Variants in DPP10 observed in about 807,000 individuals in gnomAD.
The protein encoded by DPP10 is inactive dipeptidyl peptidase 10.
DPP10 carries 33 observed loss-of-function variants against 120.9 expected under a neutral mutation model. The observed-to-expected ratio is 0.27, with a 90% CI of 0.21 to 0.37. The LOEUF (loss-of-function observed/expected upper bound fraction) is 0.37, where lower values mean the gene tolerates loss of function less well. Ranked by LOEUF, DPP10 falls within the 10% of genes least tolerant of loss-of-function variation. DPP10 has a pLI of 1.00. For missense variants in DPP10, 816 were observed against 942.8 expected (o/e 0.87, Z 1.76); for synonymous variants, 337 against 326.1 (o/e 1.03, Z -0.36).
At chr2:115,576,535 G>T (rs954978257) in intron 5 of DPP10, among the ~76,000 whole-genome samples, 16 of 152,266 alleles carry the variant, frequency 1.1e-4, no homozygotes, top group Non-Finnish European at 1.8e-4. Context: ...TCATGATATT[G>T]AAATGTAGGG....
intron 1 of DPP10, among the ~76,000 whole-genome samples, chr2:114,880,696 G>T (rs1169675241): frequency 6.6e-6 from 1 of 152,062 alleles, no homozygotes; most frequent in South Asian, 2.1e-4. Flanking sequence ...ATAAAATGGT[G>T]AGGAAATATA....
intron 3 of DPP10, among the ~76,000 whole-genome samples, chr2:115,426,679 G>A (rs923420770): frequency 3.9e-5 from 6 of 152,248 alleles, no homozygotes; most frequent in East Asian, 3.9e-4. Flanking sequence ...TTTTCACCAG[G>A]TGCCACTTCC....
intron 1 of DPP10, among the ~76,000 whole-genome samples, chr2:114,925,299 C>A (rs1574497221): frequency 1.3e-5 from 2 of 151,394 alleles, no homozygotes; most frequent in East Asian, 3.9e-4. Flanking sequence ...TAACAAGCTG[C>A]AGGTAATGAT....
chr2:114,980,570 C>T (rs570519321), intron 1 of DPP10, among the ~76,000 whole-genome samples: 5 of 143,504 alleles, frequency 3.5e-5, no homozygotes, highest in African/African-American at 5.2e-5. Flanking sequence ...ATATGATGTA[C>T]GAAAAAGAAA....
chr2:115,194,061 G>C (rs1355516059), intron 1 of DPP10, among the ~76,000 whole-genome samples: 1 of 152,160 alleles, frequency 6.6e-6, no homozygotes, highest in Non-Finnish European at 1.5e-5. Flanking sequence ...GGGTCAGTAA[G>C]CTACTTTTTG....
chr2:115,307,867 A>G (rs1421579401), intron 1 of DPP10, among the ~76,000 whole-genome samples: 1 of 152,152 alleles, frequency 6.6e-6, no homozygotes, highest in Non-Finnish European at 1.5e-5. Context: ...CGTGGAAAAT[A>G]TGAATGAGAA....
chr2:115,645,574 A>G (rs540790110), intron 5 of DPP10, among the ~76,000 whole-genome samples: 1 of 152,278 alleles, frequency 6.6e-6, no homozygotes, highest in African/African-American at 2.4e-5. Context: ...TTTGCCTGAA[A>G]TTGAGGAAAA....
intron 5 of DPP10, among the ~76,000 whole-genome samples, chr2:115,674,122 G>A (rs1055615885): frequency 6.6e-6 from 1 of 152,098 alleles, no homozygotes; most frequent in Non-Finnish European, 1.5e-5. Flanking sequence ...CTACTTGGGA[G>A]GCTAAGGCAG....
chr2:115,822,269 C>T (rs17045120), intron 21 of DPP10, among the ~76,000 whole-genome samples: 1,959 of 151,780 alleles, frequency 0.013, 44 homozygotes, highest in African/African-American at 0.042. Flanking sequence ...AAACCTATTC[C>T]TTCCTTCCCC....
chr2:115,444,975 GCA>G (rs1339795786), intron 3 of DPP10, among the ~76,000 whole-genome samples: 2 of 152,114 alleles, frequency 1.3e-5, no homozygotes, highest in Admixed American at 6.6e-5. Flanking sequence ...GTCAAGGGAG[GCA>G]CCTAGTGGGA....
At chr2:114,985,416 T>C (rs370928259) in intron 1 of DPP10, among the ~76,000 whole-genome samples, 5 of 152,348 alleles carry the variant, frequency 3.3e-5, no homozygotes, top group African/African-American at 1.2e-4. Flanking sequence ...TAAATTATCT[T>C]GCGTACTTAT....
At chr2:115,400,216 A>C (rs1324885058) in intron 3 of DPP10, among the ~76,000 whole-genome samples, 2 of 152,170 alleles carry the variant, frequency 1.3e-5, no homozygotes, top group African/African-American at 4.8e-5. Flanking sequence ...ATTTGACATG[A>C]GATTTGGGCA....
chr2:115,614,422 A>AT (rs1245752789), intron 5 of DPP10, among the ~76,000 whole-genome samples: 8 of 151,760 alleles, frequency 5.3e-5, no homozygotes, highest in Admixed American at 1.3e-4. Flanking sequence ...AGGGGAAGGA[A>AT]TTTTTTTTGT....
chr2:115,323,322 T>A (rs2062163505), intron 2 of DPP10, among the ~76,000 whole-genome samples: 1 of 152,214 alleles, frequency 6.6e-6, no homozygotes, highest in African/African-American at 2.4e-5. Context: ...ATTTTGAGAT[T>A]GCAGCAGTTC....
chr2:114,712,745 A>C (rs1701107786), intron 1 of DPP10, among the ~76,000 whole-genome samples: 1 of 152,180 alleles, frequency 6.6e-6, no homozygotes, highest in Non-Finnish European at 1.5e-5. Flanking sequence ...AGCCACTAGA[A>C]ATATCCATTT....
intron 3 of DPP10, among the ~76,000 whole-genome samples, chr2:115,477,827 A>G (rs552011881): frequency 6.6e-6 from 1 of 152,294 alleles, no homozygotes; most frequent in African/African-American, 2.4e-5. Flanking sequence ...TTATACATAT[A>G]AAGACATACC....
chr2:114,806,328 C>G (rs1394895659), intron 1 of DPP10, among the ~76,000 whole-genome samples: 4 of 152,150 alleles, frequency 2.6e-5, no homozygotes, highest in African/African-American at 9.7e-5. Flanking sequence ...TATTATAAAG[C>G]TACATCTCAG....
chr2:115,110,180 G>T (rs2049144307), intron 1 of DPP10, among the ~76,000 whole-genome samples: 1 of 152,134 alleles, frequency 6.6e-6, no homozygotes, highest in Non-Finnish European at 1.5e-5. Context: ...AGTTTCTCCA[G>T]ACTAACTTTT....
chr2:115,658,348 C>T (rs540333947), intron 5 of DPP10, among the ~76,000 whole-genome samples: 1 of 151,924 alleles, frequency 6.6e-6, no homozygotes, highest in African/African-American at 2.4e-5. Context: ...GTTCTTTCTC[C>T]ACCCCAATCT....
Sources: gnomAD v4.1 joint callset for allele counts (sites outside exome capture counted in the v4.1 genomes callset) on GRCh38, gnomAD v4.1.1 for gene constraint, MANE v1.5 for transcripts, NCBI Gene and HGNC (gene_info 2026-07-23, HGNC 2026-07-21) for gene names.